The following TBX15 variants were observed in gnomAD, a reference collection of about 807,000 sequenced individuals.
TBX15 encodes T-box transcription factor 15, also known as T-box transcription factor TBX15.
In TBX15, 18 loss-of-function variants were observed where a neutral mutation model predicts 53.9. The observed-to-expected ratio is 0.33, with a 90% CI of 0.23 to 0.49. The LOEUF is 0.49. TBX15 is among the 20% of genes least tolerant of loss of function. The pLI is 0.98. For missense variants in TBX15, 692 were observed against 749.5 expected, an observed-to-expected ratio of 0.92 and a Z score of 0.90; for synonymous variants, 295 against 278.0, an observed-to-expected ratio of 1.06 and a Z score of -0.61.
At position 118,945,681 on chromosome 1, in the gene TBX15, T is replaced by TCC. The variant is rs146936009; in HGVS notation, c.206-13851_206-13850dup. On this transcript the variant is annotated intron_variant, in intron 1 of 7. Coordinates refer to ENST00000369429, the MANE Select transcript of TBX15 (RefSeq NM_001330677.2). ...CATCTAATCCATTCAAGGATTATTT[T>TCC]CCCCCCCTACTGTTCAGATGGGTGT... is the stretch of plus-strand genomic sequence containing the variant. Among the ~76,000 whole-genome samples, 50 of 152,200 alleles carry TCC rather than the reference T, an allele frequency of 3.3e-4. 3 individuals are homozygous for TCC. Among genetic ancestry groups the TCC allele is most frequent in the African/African-American group, 1.2e-3 (48 of 41,526 alleles).
chr1:118,905,446 A>G (rs1485424779), intron 6 of TBX15, among the ~76,000 whole-genome samples: 1 of 152,236 alleles, frequency 6.6e-6, no homozygotes, highest in Non-Finnish European at 1.5e-5. Flanking sequence ...GGGCGAACAA[A>G]TAAGGCAGAA....
intron 7 of TBX15, 132 bp from the exon 8 acceptor site, chr1:118,885,648 T>A: frequency 8.9e-7 from 1 of 1,123,324 alleles, no homozygotes; most frequent in South Asian, 1.4e-5. Context: ...CCATTTTTCC[T>A]CTTAACTCAG....
chr1:118,968,818 G>A (rs1010865475), intron 1 of TBX15, among the ~76,000 whole-genome samples: 1 of 152,122 alleles, frequency 6.6e-6, no homozygotes, highest in African/African-American at 2.4e-5. Flanking sequence ...CCAGGCACAG[G>A]GAGCTTCCCT....
chr1:118,911,228 T>C (rs1241396485), intron 6 of TBX15, among the ~76,000 whole-genome samples: 2 of 152,178 alleles, frequency 1.3e-5, no homozygotes, highest in Non-Finnish European at 2.9e-5. Flanking sequence ...ACGAGTTGTT[T>C]TGAAGATTAG....
At chr1:118,984,321 T>C (rs1657747531) in intron 1 of TBX15, among the ~76,000 whole-genome samples, 1 of 152,214 alleles carries the variant, frequency 6.6e-6, no homozygotes, top group African/African-American at 2.4e-5. Flanking sequence ...GGCCCGAAGT[T>C]TCTGGAGGAG....
At chr1:118,893,545 GGAAGGAAGGAAGGAAA>G (rs1408921076) in intron 7 of TBX15, among the ~76,000 whole-genome samples, 4 of 99,476 alleles carry the variant, frequency 4.0e-5, no homozygotes, top group South Asian at 3.2e-4. Flanking sequence ...AAAGATGGAA[GGAAGGAAGGAAGGAAA>G]GAAGGAAGGA....
intron 1 of TBX15, among the ~76,000 whole-genome samples, chr1:118,968,747 C>T (rs1657136760): frequency 6.6e-6 from 1 of 152,096 alleles, no homozygotes; most frequent in Non-Finnish European, 1.5e-5. Flanking sequence ...TGCCCCACTT[C>T]CCATCTAAAG....
intron 1 of TBX15, among the ~76,000 whole-genome samples, chr1:118,937,403 G>A (rs1396607324): frequency 6.6e-6 from 1 of 152,140 alleles, no homozygotes; most frequent in East Asian, 1.9e-4. Context: ...TGAAGATCTT[G>A]GGTGTCAGGA....
intron 6 of TBX15, among the ~76,000 whole-genome samples, chr1:118,912,734 A>G (rs149918299): frequency 6.6e-6 from 1 of 152,340 alleles, no homozygotes; most frequent in Non-Finnish European, 1.5e-5. Context: ...AGTAGTAGGT[A>G]TTCATTCCTC....
intron 1 of TBX15, among the ~76,000 whole-genome samples, chr1:118,949,302 TTA>T (rs1405062112): frequency 6.6e-6 from 1 of 152,240 alleles, no homozygotes; most frequent in Non-Finnish European, 1.5e-5. Context: ...TGTTCATATT[TTA>T]TGTTATTCTT....
Position 118,987,746 on chromosome 1 carries a change from G to A in TBX15, c.50C>T (p.Ala17Val). The change falls in exon 1 of 8, where the codon GCC becomes GTC. Residue 17 changes from alanine to valine, a missense_variant. Ala to Val is a moderately conservative substitution (Grantham distance 64, BLOSUM62 0). Coordinates refer to ENST00000369429, the MANE Select transcript of TBX15 (RefSeq NM_001330677.2). ...SAVALSSRAH[A>V]FSVEALIGSN... ...GCCGATCAAGGCTTCAACGGAGAAG[G>A]CATGTGCTCGCGAGCTCAGGGCGAC... is the stretch of plus-strand genomic sequence containing the variant. The A allele has an allele frequency of 6.5e-7, 1 of 1,550,332 alleles. No individual in the cohort carries two copies. The highest frequency in any genetic ancestry group is 8.7e-7 in the Non-Finnish European group (1 of 1,146,838).
intron 1 of TBX15, among the ~76,000 whole-genome samples, chr1:118,979,199 TTTTC>T (rs1409466114): frequency 3.6e-5 from 5 of 139,298 alleles, no homozygotes; most frequent in Middle Eastern, 3.4e-3. Context: ...GTTGGTTTCT[TTTTC>T]TTTCTTTTTT....
intron 2 of TBX15, among the ~76,000 whole-genome samples, chr1:118,927,999 T>A (rs1379183466): frequency 6.6e-6 from 1 of 152,178 alleles, no homozygotes; most frequent in Non-Finnish European, 1.5e-5. Context: ...ACAGGCTTGA[T>A]CCACATATGG....
intron 5 of TBX15, among the ~76,000 whole-genome samples, chr1:118,917,511 G>A (rs1490382005): frequency 6.6e-6 from 1 of 152,064 alleles, no homozygotes; most frequent in Non-Finnish European, 1.5e-5. Flanking sequence ...ACACTACCAT[G>A]GCACACATTT....
Position 118,924,739 on chromosome 1 carries a change from A to G in TBX15, c.600T>C (p.Pro200=). 6.2e-7 allele frequency: 1 copy of G among 1,614,128 alleles called. No homozygotes were observed. Among genetic ancestry groups the G allele is most frequent in the Non-Finnish European group, 8.5e-7 (1 of 1,179,994 alleles). ...AGGTGTCTCCAGAAGCTAGAGAATC[A>G]GGGTGTATATAAACTCTTGGGGGCA... ...SPVPPRVYIH[P]DSLASGDTWM... is the part of the protein sequence containing the mutation. The change falls in exon 4 of 8, where the codon CCT becomes CCC. Residue 200 remains proline, a synonymous_variant. Coordinates refer to ENST00000369429, the MANE Select transcript of TBX15 (RefSeq NM_001330677.2).
chr1:118,930,363 A>G (rs567693169), intron 2 of TBX15, among the ~76,000 whole-genome samples: 1 of 152,336 alleles, frequency 6.6e-6, no homozygotes, highest in East Asian at 1.9e-4. Flanking sequence ...TCAATGAACT[A>G]TTCCTATATG....
chr1:118,953,277 C>A (rs1488217716), intron 1 of TBX15, among the ~76,000 whole-genome samples: 2 of 152,136 alleles, frequency 1.3e-5, no homozygotes, highest in Non-Finnish European at 2.9e-5. Context: ...CTTATAACAC[C>A]TGACTTAGCC....
chr1:118,914,099 C>A lies in TBX15; in HGVS notation c.926+16G>T. Reference sequence around the variant, plus strand: ...GTCACATAGAAAAGAAGTGCCTCTTCCCCAGTGATTCTTACCTGTTTCTCC... The same window carrying A: ...GTCACATAGAAAAGAAGTGCCTCTTACCCAGTGATTCTTACCTGTTTCTCC... On this transcript the variant is annotated intron_variant, in intron 6 of 7. Transcript: ENST00000369429. The A allele has an allele frequency of 2.5e-6, 4 of 1,613,454 alleles. No individual in the cohort carries two copies. Among genetic ancestry groups the A allele is most frequent in the Non-Finnish European group, 3.4e-6 (4 of 1,179,556 alleles).
At chr1:118,945,012 A>G (rs895664930) in intron 1 of TBX15, among the ~76,000 whole-genome samples, 13 of 152,218 alleles carry the variant, frequency 8.5e-5, no homozygotes, top group African/African-American at 3.1e-4. Flanking sequence ...CATCAATGCT[A>G]TTACACAATG....
Sources: allele counts gnomAD v4.1 joint callset (sites outside exome capture counted in the v4.1 genomes callset), GRCh38; gene constraint gnomAD v4.1.1; transcripts MANE v1.5; gene names NCBI Gene and HGNC (gene_info 2026-07-23, HGNC 2026-07-21).